SERINC1: variants seen among roughly 807,000 people sequenced by gnomAD.
SERINC1 encodes serine incorporator 1.
In SERINC1, 38 loss-of-function variants were observed where a neutral mutation model predicts 52.9. That is an observed-to-expected ratio of 0.72 (90% CI 0.55 to 0.94). The LOEUF is 0.94. Among genes scored for constraint, SERINC1 ranks in the 40% least tolerant of loss-of-function variants. The pLI, the probability that SERINC1 is intolerant of heterozygous loss-of-function variation, is 0.00. For missense variants in SERINC1, 471 were observed against 533.9 expected (o/e 0.88, Z 1.16); for synonymous variants, 198 against 183.1 (o/e 1.08, Z -0.66).
rs144324314 is a variant in SERINC1, at chr6:122,447,084, T to C, written c.995+37A>G. On this transcript the variant is annotated intron_variant, in intron 8 of 9. Transcript: ENST00000339697. ...TGATTCATAAATAAACAGCTAGACT[T>C]CTTGTTTAAAGAAAAAAATTCCATA... The C allele has an allele frequency of 1.9e-5, 30 of 1,592,802 alleles. No individual in the cohort carries two copies. The East Asian group carries it at 6.5e-4, about 34-fold the overall frequency.
intron 9 of SERINC1, among the ~76,000 whole-genome samples, chr6:122,446,385 C>T (rs1471047861): frequency 6.6e-6 from 1 of 151,466 alleles, no homozygotes; most frequent in Non-Finnish European, 1.5e-5. Flanking sequence ...TTAATGAATT[C>T]ATACTTAAAT....
At chr6:122,457,542 G>A (rs921667517) in intron 2 of SERINC1, among the ~76,000 whole-genome samples, 2 of 152,092 alleles carry the variant, frequency 1.3e-5, no homozygotes, top group Admixed American at 6.6e-5. Flanking sequence ...GGGCCTTTAT[G>A]TGGTAATTAA....
Position 122,458,608 on chromosome 6 carries a change from G to T in SERINC1, c.113C>A (p.Thr38Asn). Residue 38 changes from threonine (T) to asparagine (N), a missense_variant, in exon 2 of 10, where the codon ACT becomes AAT. Coordinates refer to ENST00000339697, the MANE Select transcript of SERINC1 (RefSeq NM_020755.4). ...CCPSGNNSTV[T>N]RLIYALFLLV... ...CAAGAAAAGTGCATAGATCAATCTA[G>T]TTACAGTGGAGTTGTTTCCACTAGG... 6.2e-7 allele frequency: 1 copy of T among 1,612,904 alleles called. No individual in the cohort carries two copies. Among genetic ancestry groups the T allele is most frequent in the Non-Finnish European group, 8.5e-7 (1 of 1,179,016 alleles).
rs754685676 is a variant in SERINC1, at chr6:122,458,706, ATAT to A, written c.40-28_40-26del. The stretch of plus-strand genomic sequence containing the variant: ...TCTGGGAAAAAGAATATTATTGAAA[ATAT>A]TATTAAGAATCAGTAAATCACTATA... On this transcript the variant is annotated intron_variant, in intron 1 of 9. Coordinates refer to ENST00000339697, the MANE Select transcript of SERINC1 (RefSeq NM_020755.4). The A allele has an allele frequency of 2.6e-6, 4 of 1,512,838 alleles. No individual in the cohort carries two copies. In the South Asian group the frequency reaches 3.6e-5, roughly 14 times the overall value. 93.7% of individuals were successfully genotyped at this position (1,512,838 alleles called of 1,614,324 possible). A position where few individuals can be genotyped will look rare whatever the true frequency, so the allele number is the denominator to read the frequency against.
intron 4 of SERINC1, 60 bp from the exon 5 acceptor site, chr6:122,453,967 T>C: frequency 6.6e-7 from 1 of 1,512,000 alleles, no homozygotes; most frequent in Admixed American, 2.3e-5. Flanking sequence ...TCATTTCCTT[T>C]CAAAATCACA....
At chr6:122,449,274 T>A (rs1033199340) in intron 7 of SERINC1, among the ~76,000 whole-genome samples, 1 of 152,228 alleles carries the variant, frequency 6.6e-6, no homozygotes, top group Non-Finnish European at 1.5e-5. Flanking sequence ...TAAGAAAGCA[T>A]GCCAAAAGCT....
intron 3 of SERINC1, 97 bp downstream of exon 3, chr6:122,456,384 A>G (rs558942491): frequency 3.1e-5 from 22 of 708,578 alleles, no homozygotes; most frequent in East Asian, 9.1e-5. Context: ...TGCAAATTGT[A>G]TAAGTTTATT....
At chr6:122,469,933 A>G (rs765141440) in intron 1 of SERINC1, among the ~76,000 whole-genome samples, 6 of 152,234 alleles carry the variant, frequency 3.9e-5, no homozygotes, top group Non-Finnish European at 8.8e-5. Context: ...ATTAACTGTT[A>G]AGAATGTGGA....
At chr6:122,446,320 G>T (rs1244333588) in intron 9 of SERINC1, among the ~76,000 whole-genome samples, 1 of 151,862 alleles carries the variant, frequency 6.6e-6, no homozygotes, top group Non-Finnish European at 1.5e-5. Flanking sequence ...CTTGTAGAAA[G>T]AATTCTAAGC....
intron 3 of SERINC1, chr6:122,454,660 T>C (rs576936928): frequency 2.3e-4 from 37 of 158,450 alleles, no homozygotes; most frequent in African/African-American, 5.8e-4. Context: ...TGAGCTGACA[T>C]TGATTCCAGG....
intron 6 of SERINC1, 22 bp from the exon 7 acceptor site, chr6:122,451,776 A>AAAAAAAAAAAAATATATATATATATAT: frequency 1.7e-4 from 19 of 113,060 alleles, no homozygotes; most frequent in East Asian, 3.4e-4. Context: ...AAAAAAAAAA[A>AAAAAAAAAAAAATATATATATATATAT]ATATATATAT....
In SERINC1 at chr6:122,443,617, C is replaced by CA. The variant is rs1774706034; in HGVS notation, c.*1426dup. On this transcript the variant is annotated 3_prime_UTR_variant, in exon 10 of 10. Transcript: ENST00000339697. ...TATTTCAATTACATGGCAGTAAATA[C>CA]AAAAGCATTTTAAACATCTTTTGAA... The CA allele has an allele frequency of 6.6e-6, 1 of 152,002 alleles. No homozygotes were observed. Among genetic ancestry groups the CA allele is most frequent in the African/African-American group, 2.4e-5 (1 of 41,326 alleles). 9.4% of individuals were successfully genotyped at this position (152,002 alleles called of 1,614,324 possible).
At chr6:122,458,341 C>A (rs1017951054) in intron 2 of SERINC1, among the ~76,000 whole-genome samples, 179 bp downstream of exon 2, 2 of 152,158 alleles carry the variant, frequency 1.3e-5, no homozygotes, top group Non-Finnish European at 2.9e-5. Flanking sequence ...GTACCACCAT[C>A]ATAGAACTTA....
At chr6:122,448,066 C>T (rs1024612448) in intron 7 of SERINC1, among the ~76,000 whole-genome samples, 5 of 151,318 alleles carry the variant, frequency 3.3e-5, no homozygotes, top group African/African-American at 1.2e-4. Context: ...CGAGATCATG[C>T]CACTGCATTC....
intron 5 of SERINC1, among the ~76,000 whole-genome samples, 190 bp from the exon 6 acceptor site, chr6:122,452,247 C>A (rs1774922647): frequency 6.6e-6 from 1 of 152,016 alleles, no homozygotes. Context: ...CTGAAGAATT[C>A]TAGTTTTTAC....
Position 122,463,639 on chromosome 6 carries a change from G to C in SERINC1, c.40-4958C>G, listed in dbSNP as rs536521044. On this transcript the variant is annotated intron_variant, in intron 1 of 9. Transcript: ENST00000339697. ...ATTAGGGAAATGTACATTAAAATCA[G>C]AGATACTACTGCATGCATATTAGAA... Among the ~76,000 whole-genome samples, 12 of 152,190 alleles carry C rather than the reference G, an allele frequency of 7.9e-5. 1 individual carries two copies. Among genetic ancestry groups the C allele is most frequent in the Admixed American group, 7.8e-4 (12 of 15,294 alleles).
At position 122,447,284 on chromosome 6, in the gene SERINC1, T is replaced by A. The variant is rs747649809; in HGVS notation, c.851-19A>T. On this transcript the variant is annotated intron_variant, in intron 7 of 9. Coordinates refer to ENST00000339697, the MANE Select transcript of SERINC1 (RefSeq NM_020755.4). Reference sequence around the variant, plus strand: ...TTTGTTTCTGTAATATAAAGCCAAATTAAAATGTTAGAATATATTAAAAAG... The same window carrying A: ...TTTGTTTCTGTAATATAAAGCCAAAATAAAATGTTAGAATATATTAAAAAG... 22 of 1,575,550 alleles carry A rather than the reference T, an allele frequency of 1.4e-5. No individual in the cohort carries two copies. In the Admixed American group the frequency reaches 2.0e-4, roughly 15 times the overall value.
At chr6:122,453,625 T>C in intron 5 of SERINC1, 145 bp downstream of exon 5, 1 of 544,552 alleles carries the variant, frequency 1.8e-6, no homozygotes, top group East Asian at 3.1e-5. Flanking sequence ...TACAATGTGA[T>C]ATTTTGACAC....
Position 122,444,983 on chromosome 6 carries a change from T to C in SERINC1, c.*61A>G. 6.5e-7 allele frequency: 1 copy of C among 1,532,510 alleles called. No individual in the cohort carries two copies. The highest frequency in any genetic ancestry group is 8.9e-7 in the Non-Finnish European group (1 of 1,123,802). The allele number at this position is 1,532,510 out of a possible 1,614,324, so 94.9% of individuals were successfully genotyped here. On this transcript the variant is annotated 3_prime_UTR_variant, in exon 10 of 10. Transcript: ENST00000339697. Reference sequence around the variant, plus strand: ...AAAACATACACAACTTTACAAAAGTTGGGAATACTGTTTTCAAATAAGCAA... The same window carrying C: ...AAAACATACACAACTTTACAAAAGTCGGGAATACTGTTTTCAAATAAGCAA...
Sources: allele counts gnomAD v4.1 joint callset (sites outside exome capture counted in the v4.1 genomes callset), GRCh38; gene constraint gnomAD v4.1.1; transcripts MANE v1.5; gene names NCBI Gene and HGNC (gene_info 2026-07-23, HGNC 2026-07-21).